The following PIP4K2A variants were observed in gnomAD, a reference collection of about 807,000 sequenced individuals.
The protein encoded by PIP4K2A is phosphatidylinositol 5-phosphate 4-kinase type-2 alpha.
PIP4K2A carries 14 observed loss-of-function variants against 42.9 expected under a neutral mutation model. The ratio of observed to expected loss-of-function variants is 0.33; its 90% CI spans 0.22 to 0.51. PIP4K2A has a LOEUF of 0.51. PIP4K2A is among the 20% of genes least tolerant of loss of function. The pLI is 0.97. For synonymous variants in PIP4K2A, 192 were observed against 192.2 expected (o/e 1.00, Z 0.01); for missense variants, 434 against 519.8 (o/e 0.83, Z 1.61).
chr10:22,626,175 TG>T (rs1287733012), intron 1 of PIP4K2A, among the ~76,000 whole-genome samples: 1 of 152,200 alleles, frequency 6.6e-6, no homozygotes, highest in East Asian at 1.9e-4. Context: ...GATGACTGCA[TG>T]GGGTACTCAG....
intron 1 of PIP4K2A, among the ~76,000 whole-genome samples, chr10:22,667,867 G>A (rs1209503161): frequency 1.8e-4 from 1 of 5,484 alleles, no homozygotes; most frequent in Non-Finnish European, 4.2e-4. Flanking sequence ...GTGAACTTCT[G>A]TGTGTGTGTG....
intron 8 of PIP4K2A, among the ~76,000 whole-genome samples, chr10:22,541,440 T>G (rs1836109935): frequency 6.6e-6 from 1 of 152,256 alleles, no homozygotes; most frequent in African/African-American, 2.4e-5. Flanking sequence ...AAAGCATTTC[T>G]GATGTTATTT....
intron 1 of PIP4K2A, among the ~76,000 whole-genome samples, chr10:22,667,026 A>C (rs1839365288): frequency 6.6e-6 from 1 of 152,240 alleles, no homozygotes; most frequent in Admixed American, 6.5e-5. Flanking sequence ...AATAACATGG[A>C]AAGAAAAAAA....
chr10:22,658,892 T>C (rs186860377), intron 1 of PIP4K2A, among the ~76,000 whole-genome samples: 81 of 152,378 alleles, frequency 5.3e-4, no homozygotes, highest in Admixed American at 3.3e-3. Context: ...TTCAATCCCA[T>C]GACTATCAGA....
intron 1 of PIP4K2A, among the ~76,000 whole-genome samples, chr10:22,653,787 T>A (rs551099397): frequency 3.3e-5 from 5 of 152,100 alleles, no homozygotes; most frequent in Admixed American, 6.5e-5. Flanking sequence ...GGCAGGAGAA[T>A]CGCATGAATC....
rs1835907321 is a variant in PIP4K2A, at chr10:22,535,923, A to G, written c.*1278T>C. 1 of 392,254 alleles carries G rather than the reference A, an allele frequency of 2.5e-6. No homozygotes were observed. The highest frequency in any genetic ancestry group is 1.4e-4 in the South Asian group (1 of 6,958). 24.3% of individuals were successfully genotyped at this position (392,254 alleles called of 1,614,324 possible). On this transcript the variant is annotated 3_prime_UTR_variant, in exon 10 of 10. Transcript: ENST00000376573. The stretch of plus-strand genomic sequence containing the variant: ...AATCCTTTTCCTTTTATTGTGAAAG[A>G]CTGTCTACCATGTACTTTGACTAAA...
intron 1 of PIP4K2A, among the ~76,000 whole-genome samples, chr10:22,645,980 C>T (rs541871122): frequency 6.6e-6 from 1 of 152,204 alleles, no homozygotes; most frequent in South Asian, 2.1e-4. Context: ...TCTTGGCGTC[C>T]CAAAGTGCTG....
chr10:22,638,570 C>T (rs1261329106), intron 1 of PIP4K2A, among the ~76,000 whole-genome samples: 1 of 152,130 alleles, frequency 6.6e-6, no homozygotes, highest in African/African-American at 2.4e-5. Flanking sequence ...TTCTTTTTCC[C>T]TTTACTTTTT....
chr10:22,610,473 GT>G (rs1474917030), intron 1 of PIP4K2A, among the ~76,000 whole-genome samples: 2 of 152,234 alleles, frequency 1.3e-5, no homozygotes, highest in African/African-American at 4.8e-5. Flanking sequence ...TAAAAACCAT[GT>G]CAAAGATTTA....
intron 1 of PIP4K2A, chr10:22,659,506 T>C (rs1433451199): frequency 6.6e-6 from 1 of 152,288 alleles, no homozygotes; most frequent in Non-Finnish European, 1.5e-5. Flanking sequence ...AGTAATTCTA[T>C]ATTATTTCAT....
At chr10:22,543,012 G>T (rs1237208281) in intron 7 of PIP4K2A, among the ~76,000 whole-genome samples, 1 of 152,242 alleles carries the variant, frequency 6.6e-6, no homozygotes, top group Non-Finnish European at 1.5e-5. Flanking sequence ...GAGTGGCTGA[G>T]CAGCCTCTGG....
chr10:22,584,937 A>T (rs11812683), intron 4 of PIP4K2A, among the ~76,000 whole-genome samples: 6,266 of 152,262 alleles, frequency 0.041, 179 homozygotes, highest in Middle Eastern at 0.092. Context: ...GTTCCAGAAC[A>T]CAGGAGCTGC....
At chr10:22,543,323 T>C (rs796075537) in intron 7 of PIP4K2A, among the ~76,000 whole-genome samples, 12 of 152,254 alleles carry the variant, frequency 7.9e-5, no homozygotes, top group African/African-American at 2.9e-4. Flanking sequence ...GAGCTCCCAC[T>C]TCGCTGCCTT....
intron 4 of PIP4K2A, among the ~76,000 whole-genome samples, chr10:22,580,522 G>A (rs1383537833): frequency 2.0e-5 from 3 of 151,498 alleles, no homozygotes; most frequent in Admixed American, 1.3e-4. Flanking sequence ...GAGAAGAAGA[G>A]CATGTACTGG....
chr10:22,633,601 T>G (rs1405379540), intron 1 of PIP4K2A, among the ~76,000 whole-genome samples: 1 of 152,032 alleles, frequency 6.6e-6, no homozygotes, highest in African/African-American at 2.4e-5. Context: ...GAGGGGACCT[T>G]GGGGCAAGAA....
At chr10:22,623,571 G>A (rs181142118) in intron 1 of PIP4K2A, among the ~76,000 whole-genome samples, 113 of 147,178 alleles carry the variant, frequency 7.7e-4, no homozygotes, top group African/African-American at 2.9e-3. Flanking sequence ...TTGGAAGGGA[G>A]GTACCCCCAG....
intron 7 of PIP4K2A, 64 bp downstream of exon 7, chr10:22,550,595 T>G: frequency 1.1e-6 from 1 of 891,674 alleles, no homozygotes; most frequent in South Asian, 1.4e-5. Context: ...TTTAAAAAGC[T>G]CCTAAAACCC....
chr10:22,695,653 G>C (rs1481824627), intron 1 of PIP4K2A, among the ~76,000 whole-genome samples: 1 of 152,012 alleles, frequency 6.6e-6, no homozygotes, highest in Non-Finnish European at 1.5e-5. Flanking sequence ...ATTGGTTCCA[G>C]GACTCCCCAG....
At chr10:22,575,973 A>G (rs1390041303) in intron 4 of PIP4K2A, among the ~76,000 whole-genome samples, 1 of 152,022 alleles carries the variant, frequency 6.6e-6, no homozygotes, top group Non-Finnish European at 1.5e-5. Context: ...AAGTCTGTCT[A>G]CTTTATCAGC....
Sources: allele counts gnomAD v4.1 joint callset (sites outside exome capture counted in the v4.1 genomes callset), GRCh38; gene constraint gnomAD v4.1.1; transcripts MANE v1.5; gene names NCBI Gene and HGNC (gene_info 2026-07-23, HGNC 2026-07-21).